NBAS: variants seen among roughly 807,000 people sequenced by gnomAD.
NBAS encodes the protein NAG/BC035112 fusion.
NBAS carries 219 observed loss-of-function variants against 302.5 expected under a neutral mutation model. The observed-to-expected ratio is 0.72, with a 90% CI of 0.65 to 0.81. NBAS has a LOEUF of 0.81. NBAS is among the 30% of genes least tolerant of loss of function. The pLI is 0.00. For synonymous variants in NBAS, 1,118 were observed against 1,021.6 expected (o/e 1.09, Z -1.80); for missense variants, 2,932 against 2,841.6 (o/e 1.03, Z -0.72).
rs1311004174 is a variant in NBAS at position 15,218,904 on chromosome 2, A to G, written c.6301T>C (p.Trp2101Arg). The change falls in exon 48 of 52, where the codon TGG becomes CGG. Residue 2101 changes from tryptophan to arginine, a missense_variant. Transcript: ENST00000281513. ...WLRPFCADDA[W>R]PVRPRIHVLQ... ...ACGTGAATGCGGGGCCGCACCGGCC[A>G]GGCGTCATCAGCACAGAAAGGCCGC... The G allele has an allele frequency of 6.2e-7, 1 of 1,614,144 alleles. No individual in the cohort carries two copies. The highest frequency in any genetic ancestry group is 8.5e-7 in the Non-Finnish European group (1 of 1,180,052).
At chr2:15,512,598 G>A (rs1466983016) in intron 9 of NBAS, among the ~76,000 whole-genome samples, 1 of 152,162 alleles carries the variant, frequency 6.6e-6, no homozygotes, top group Non-Finnish European at 1.5e-5. Context: ...GATCCTTAAA[G>A]GTAGAAAGGG....
intron 44 of NBAS, among the ~76,000 whole-genome samples, chr2:15,270,897 A>C (rs1669288579): frequency 1.3e-5 from 2 of 152,218 alleles, no homozygotes; most frequent in Admixed American, 6.5e-5. Flanking sequence ...ATATGGCATC[A>C]GAAAATCATA....
chr2:14,877,389 T>C, the NBAS span, among the ~76,000 whole-genome samples: 2 of 152,224 alleles, frequency 1.3e-5, no homozygotes, highest in Non-Finnish European at 2.9e-5. Flanking sequence ...TGGTATATAC[T>C]GGCTATCTGC....
chr2:14,966,347 A>C, the NBAS span, among the ~76,000 whole-genome samples: 131,980 of 151,976 alleles, frequency 0.87, 59,730 homozygotes, highest in Non-Finnish European at 1. Context: ...AATGTAATCT[A>C]CCATATTAAC....
Position 15,178,257 on chromosome 2 carries a change from G to A in NBAS, c.6840+731C>T, listed in dbSNP as rs181142138. The A allele has an allele frequency of 2.3e-5, 10 of 436,806 alleles. No individual in the cohort carries two copies. In the East Asian group the frequency reaches 6.4e-4, roughly 28 times the overall value. 27.1% of individuals were successfully genotyped at this position (436,806 alleles called of 1,614,324 possible). On this transcript the variant is annotated intron_variant, in intron 51 of 51. Transcript: ENST00000281513. ...TACATATGTGTGCATGTATGTGTAT[G>A]TGTATAGTGTACATACTCAAACAGA...
the NBAS span, among the ~76,000 whole-genome samples, chr2:14,918,407 C>T: frequency 2.0e-5 from 3 of 151,348 alleles, no homozygotes; most frequent in Non-Finnish European, 4.4e-5. Flanking sequence ...AAAGAAGGAA[C>T]AATATCATAA....
At chr2:15,341,649 G>A (rs186333619) in intron 35 of NBAS, among the ~76,000 whole-genome samples, 31 of 152,022 alleles carry the variant, frequency 2.0e-4, no homozygotes, top group Admixed American at 1.6e-3. Flanking sequence ...AAGAAACAGC[G>A]GGATAGAAGA....
intron 48 of NBAS, among the ~76,000 whole-genome samples, chr2:15,201,259 T>G (rs1665864213): frequency 6.6e-6 from 1 of 152,232 alleles, no homozygotes; most frequent in Non-Finnish European, 1.5e-5. Flanking sequence ...GATGTCGTTG[T>G]ATGCAAGGCT....
At chr2:15,071,580 T>C in the NBAS span, among the ~76,000 whole-genome samples, 2 of 144,626 alleles carry the variant, frequency 1.4e-5, no homozygotes, top group Non-Finnish European at 3.0e-5. Flanking sequence ...GCTGAGATCG[T>C]GCCACTGCAC....
the NBAS span, among the ~76,000 whole-genome samples, chr2:15,145,637 C>G: frequency 6.6e-6 from 1 of 152,098 alleles, no homozygotes; most frequent in African/African-American, 2.4e-5. Flanking sequence ...CCACTGGGCA[C>G]TGAGTCACTG....
the NBAS span, among the ~76,000 whole-genome samples, chr2:14,807,981 C>G: frequency 6.6e-6 from 1 of 152,096 alleles, no homozygotes; most frequent in Non-Finnish European, 1.5e-5. Flanking sequence ...TTTAAATATT[C>G]ATATATTGTT....
intron 9 of NBAS, among the ~76,000 whole-genome samples, chr2:15,514,936 G>A (rs186002725): frequency 9.6e-4 from 146 of 152,214 alleles, no homozygotes; most frequent in African/African-American, 3.4e-3. Flanking sequence ...CCTTTCCTCC[G>A]TTCATGCCAG....
chr2:15,274,372 C>T lies in NBAS; in HGVS notation c.5724+1112G>A, dbSNP rs72776645. ...ATACTAACTAAAATAACAATCTTTG[C>T]GATAGGGTACTGGGCAGACCTGGTG... is the stretch of plus-strand genomic sequence containing the variant. On this transcript the variant is annotated intron_variant, in intron 44 of 51. Coordinates refer to ENST00000281513, the MANE Select transcript of NBAS (RefSeq NM_015909.4). Among the ~76,000 whole-genome samples the T allele has an allele frequency of 1.1e-4, 16 of 152,172 alleles. No homozygotes were observed. The East Asian group carries it at 2.9e-3, about 28-fold the overall frequency.
the NBAS span, among the ~76,000 whole-genome samples, chr2:15,138,749 T>C: frequency 6.6e-6 from 1 of 152,154 alleles, no homozygotes; most frequent in Non-Finnish European, 1.5e-5. Flanking sequence ...GCTAATTTCT[T>C]CAGACTCTGA....
intron 28 of NBAS, among the ~76,000 whole-genome samples, chr2:15,384,248 G>T (rs1020109914): frequency 6.6e-6 from 1 of 152,184 alleles, no homozygotes; most frequent in Admixed American, 6.5e-5. Context: ...AAAGGGTTTT[G>T]TTCCCAAATT....
At chr2:15,205,479 A>T (rs1224955218) in intron 48 of NBAS, among the ~76,000 whole-genome samples, 1 of 30,220 alleles carries the variant, frequency 3.3e-5, no homozygotes, top group Non-Finnish European at 4.8e-5. Flanking sequence ...TGAATAAATT[A>T]AAAAAAAAAC....
Position 15,308,354 on chromosome 2 carries a change from C to T in NBAS, c.4660-1G>A. The T allele has an allele frequency of 1.2e-6, 2 of 1,613,892 alleles. No homozygotes were observed. Among genetic ancestry groups the T allele is most frequent in the Non-Finnish European group, 1.7e-6 (2 of 1,179,924 alleles). On this transcript the variant is annotated splice_acceptor_variant, in intron 39 of 51. Transcript: ENST00000281513. LOFTEE classifies it high-confidence loss of function. ...CAAAGCACCGGTTAGCATCTAACAC[C>T]TAGGAGGGAACATGTTAGAATTAAC... is the stretch of plus-strand genomic sequence containing the variant.
intron 9 of NBAS, among the ~76,000 whole-genome samples, chr2:15,526,554 T>C (rs73202741): frequency 0.013 from 1,917 of 152,260 alleles, 36 homozygotes; most frequent in African/African-American, 0.043. Flanking sequence ...TTTCAGCTTC[T>C]TTCATTTAAA....
chr2:15,031,535 G>A, the NBAS span, among the ~76,000 whole-genome samples: 1 of 152,186 alleles, frequency 6.6e-6, no homozygotes, highest in Non-Finnish European at 1.5e-5. Flanking sequence ...TATAGCTGAG[G>A]TTGGATAAAA....
Sources: allele counts gnomAD v4.1 joint callset (sites outside exome capture counted in the v4.1 genomes callset), GRCh38; gene constraint gnomAD v4.1.1; transcripts MANE v1.5; gene names NCBI Gene and HGNC (gene_info 2026-07-23, HGNC 2026-07-21).